TMED7: variants seen among roughly 807,000 people sequenced by gnomAD.
TMED7 encodes transmembrane p24 trafficking protein 7, also known as transmembrane emp24 domain-containing protein 7.
Under a neutral mutation model 23.4 loss-of-function variants are expected in TMED7, and 8 were observed. The ratio of observed to expected loss-of-function variants is 0.34; its 90% CI spans 0.20 to 0.62. The LOEUF is 0.62. Among genes scored for constraint, TMED7 ranks in the 20% least tolerant of loss-of-function variants. TMED7 has a pLI of 0.77. For missense variants in TMED7, 232 were observed against 279.1 expected, an observed-to-expected ratio of 0.83 and a Z score of 1.20; for synonymous variants, 121 against 108.5, an observed-to-expected ratio of 1.12 and a Z score of -0.72.
chr5:115,613,927 T>A lies in TMED7; in HGVS notation c.*2282A>T, dbSNP rs1408864182. On this transcript the variant is annotated 3_prime_UTR_variant, in exon 3 of 3. Coordinates refer to ENST00000456936, the MANE Select transcript of TMED7 (RefSeq NM_181836.6). ...TTGTATATCAAGTTGCTTTCCATTA[T>A]TTATTCTACTTTAAAAATATATACA... is the stretch of plus-strand genomic sequence containing the variant. The A allele has an allele frequency of 6.5e-6, 1 of 152,684 alleles. No homozygotes were observed. The highest frequency in any genetic ancestry group is 2.4e-5 in the African/African-American group (1 of 41,572). The allele number at this position is 152,684 out of a possible 1,614,324, so 9.5% of individuals were successfully genotyped here.
At chr5:115,622,597 G>C (rs1056977544) in intron 1 of TMED7, among the ~76,000 whole-genome samples, 1 of 152,134 alleles carries the variant, frequency 6.6e-6, no homozygotes, top group Admixed American at 6.5e-5. Flanking sequence ...CTAACTACTA[G>C]ATGCAGGTAG....
chr5:115,624,136 C>T (rs563502545), intron 1 of TMED7, among the ~76,000 whole-genome samples: 14 of 152,184 alleles, frequency 9.2e-5, no homozygotes, highest in Non-Finnish European at 2.1e-4. Flanking sequence ...ATCACTGAGT[C>T]TGCATACACA....
At chr5:115,619,408 C>T (rs578039385) in intron 2 of TMED7, among the ~76,000 whole-genome samples, 1 of 152,292 alleles carries the variant, frequency 6.6e-6, no homozygotes, top group South Asian at 2.1e-4. Context: ...CCTGGGAACA[C>T]TAAAATACCA....
chr5:115,617,159 A>G (rs1756801174), intron 2 of TMED7, among the ~76,000 whole-genome samples: 1 of 152,194 alleles, frequency 6.6e-6, no homozygotes, highest in African/African-American at 2.4e-5. Context: ...CATTTATTAT[A>G]CCATCTGTTT....
intron 2 of TMED7, among the ~76,000 whole-genome samples, chr5:115,616,948 G>A (rs2052834): frequency 0.41 from 62,916 of 152,054 alleles, 13,184 homozygotes; most frequent in African/African-American, 0.5. Flanking sequence ...CATCAAAATC[G>A]TTAGTAACTT....
In TMED7 at chr5:115,613,378, T is replaced by C. The variant is rs898416122; in HGVS notation, c.*2831A>G. 1 of 152,146 alleles carries C rather than the reference T, an allele frequency of 6.6e-6. No individual in the cohort carries two copies. Among genetic ancestry groups the C allele is most frequent in the African/African-American group, 2.4e-5 (1 of 41,438 alleles). 9.4% of individuals were successfully genotyped at this position (152,146 alleles called of 1,614,324 possible). On this transcript the variant is annotated 3_prime_UTR_variant, in exon 3 of 3. Coordinates refer to ENST00000456936, the MANE Select transcript of TMED7 (RefSeq NM_181836.6). ...CTCTTTCACCTTCTTTCTTGGACAGTCCCTCAGATATTTTAATAAAATACC... is the reference window on the plus strand; with the variant it reads ...CTCTTTCACCTTCTTTCTTGGACAGCCCCTCAGATATTTTAATAAAATACC...
intron 1 of TMED7, among the ~76,000 whole-genome samples, chr5:115,624,629 C>T (rs1457410139): frequency 6.6e-6 from 1 of 152,184 alleles, no homozygotes. Flanking sequence ...TGGCCTGCCC[C>T]TGCTGACCCC....
chr5:115,619,999 T>C (rs1756966326), intron 2 of TMED7: 3 of 152,662 alleles, frequency 2.0e-5, no homozygotes, highest in Admixed American at 2.0e-4. Context: ...TGAGTAACAC[T>C]AAGTAATGGT....
intron 1 of TMED7, among the ~76,000 whole-genome samples, chr5:115,623,381 G>T (rs1333075412): frequency 2.0e-5 from 3 of 152,102 alleles, no homozygotes; most frequent in Non-Finnish European, 4.4e-5. Flanking sequence ...CTGGGTTGGG[G>T]GTGTGGTCTC....
intron 1 of TMED7, among the ~76,000 whole-genome samples, chr5:115,624,850 G>C (rs1049946931): frequency 9.2e-5 from 14 of 152,216 alleles, no homozygotes; most frequent in African/African-American, 3.4e-4. Context: ...TCTGATGAAT[G>C]AGCAGATACC....
At chr5:115,616,615 C>T in intron 2 of TMED7, 170 bp from the exon 3 acceptor site, 3 of 939,438 alleles carry the variant, frequency 3.2e-6, no homozygotes, top group East Asian at 5.3e-5. Flanking sequence ...AACCCCCCTG[C>T]TCATTTTCAC....
intron 1 of TMED7, among the ~76,000 whole-genome samples, chr5:115,621,548 G>A (rs1041118886): frequency 6.6e-6 from 1 of 152,178 alleles, no homozygotes; most frequent in African/African-American, 2.4e-5. Context: ...GGTGATATGA[G>A]TCTGAACAGA....
chr5:115,617,145 TA>T (rs1756799658), intron 2 of TMED7, among the ~76,000 whole-genome samples: 2 of 152,366 alleles, frequency 1.3e-5, no homozygotes, highest in East Asian at 3.9e-4. Context: ...CTTGCCTTTT[TA>T]TACATTTATT....
In TMED7 at chr5:115,625,953, G is replaced by C. The variant is rs1757203132; in HGVS notation, c.-161C>G. ...GATTCGGGATCAGAGCGACCCTCCG[G>C]CTTCCTGTGAGGGGCGCAGACGGGC... is the stretch of plus-strand genomic sequence containing the variant. On this transcript the variant is annotated 5_prime_UTR_variant, in exon 1 of 3. Transcript: ENST00000456936. 1.9e-6 allele frequency: 2 copies of C among 1,066,934 alleles called. No homozygotes were observed. The highest frequency in any genetic ancestry group is 3.3e-5 in the African/African-American group (2 of 60,276). The allele number at this position is 1,066,934 out of a possible 1,614,324, so 66.1% of individuals were successfully genotyped here.
rs1467828425 is a variant in TMED7, at chr5:115,615,547, A to G, written c.*662T>C. ...ACAAAGTCTGATATTTAAGGCCTGT[A>G]TAAACTCTTTTACACTACTGAAACT... is the stretch of plus-strand genomic sequence containing the variant. On this transcript the variant is annotated 3_prime_UTR_variant, in exon 3 of 3. Transcript: ENST00000456936. 1 of 152,510 alleles carries G rather than the reference A, an allele frequency of 6.6e-6. No individual in the cohort carries two copies. The highest frequency in any genetic ancestry group is 1.9e-4 in the East Asian group (1 of 5,204). The allele number at this position is 152,510 out of a possible 1,614,324, so 9.4% of individuals were successfully genotyped here.
At chr5:115,616,650 T>G in intron 2 of TMED7, 2 of 728,872 alleles carry the variant, frequency 2.7e-6, no homozygotes, top group South Asian at 1.9e-5. Flanking sequence ...AGGCTAGAGA[T>G]CTCATGAAGC....
At position 115,622,199 on chromosome 5, in the gene TMED7, G is replaced by A. The variant is rs556241590; in HGVS notation, c.193-1519C>T. Among the ~76,000 whole-genome samples, 19 of 152,090 alleles carry A rather than the reference G, an allele frequency of 1.2e-4. No individual in the cohort carries two copies. In the South Asian group the frequency reaches 3.7e-3, roughly 30 times the overall value. On this transcript the variant is annotated intron_variant, in intron 1 of 2. Coordinates refer to ENST00000456936, the MANE Select transcript of TMED7 (RefSeq NM_181836.6). ...ATAATCAAACACATACATACAAACC[G>A]AATAGCACCAGAACTTATCATCACC... is the stretch of plus-strand genomic sequence containing the variant.
At chr5:115,624,388 C>T (rs1757133332) in intron 1 of TMED7, among the ~76,000 whole-genome samples, 1 of 152,156 alleles carries the variant, frequency 6.6e-6, no homozygotes, top group African/African-American at 2.4e-5. Context: ...ACTGCTATCA[C>T]TCTACTCTAA....
chr5:115,616,181 C>T lies in TMED7; in HGVS notation c.*28G>A. On this transcript the variant is annotated 3_prime_UTR_variant, in exon 3 of 3. Transcript: ENST00000456936. ...TTAGAGGACAGCAATATTACAGTGG[C>T]AATGGTGCATCAATTCTCAAAACGT... 2 of 1,590,928 alleles carry T rather than the reference C, an allele frequency of 1.3e-6. No homozygotes were observed. The highest frequency in any genetic ancestry group is 1.7e-6 in the Non-Finnish European group (2 of 1,159,146).
Sources: allele counts gnomAD v4.1 joint callset (sites outside exome capture counted in the v4.1 genomes callset), GRCh38; gene constraint gnomAD v4.1.1; transcripts MANE v1.5; gene names NCBI Gene and HGNC (gene_info 2026-07-23, HGNC 2026-07-21).